Variants in DST observed in about 807,000 individuals in gnomAD.
The protein encoded by DST is bullous pemphigoid antigen.
Under a neutral mutation model 875.2 loss-of-function variants are expected in DST, and 253 were observed. The ratio of observed to expected loss-of-function variants is 0.29; its 90% CI spans 0.26 to 0.32. The LOEUF (loss-of-function observed/expected upper bound fraction) is 0.32, where lower values mean the gene tolerates loss of function less well. DST is among the 10% of genes least tolerant of loss of function. The pLI is 1.00. For missense variants in DST, 8,287 were observed against 9,111.6 expected, an observed-to-expected ratio of 0.91 and a Z score of 3.68; for synonymous variants, 3,124 against 3,197.1, an observed-to-expected ratio of 0.98 and a Z score of 0.77.
chr6:56,674,600 C>T (rs1285529463), intron 9 of DST, among the ~76,000 whole-genome samples: 2 of 152,074 alleles, frequency 1.3e-5, no homozygotes. Flanking sequence ...CCTGGCCTCA[C>T]TTTCTTCATC....
At position 56,552,640 on chromosome 6, in the gene DST, A is replaced by G; in HGVS notation, c.16152T>C (p.Ile5384=). 6.2e-7 allele frequency: 1 copy of G among 1,613,988 alleles called. No homozygotes were observed. The highest frequency in any genetic ancestry group is 2.2e-5 in the East Asian group (1 of 44,888). ...CSFLETKLQG[I]GHFQNTIREM... ...CTCGAATGGTATTCTGGAAATGCCC[A>G]ATGCCCTGAAGCTTGGTTTCTAAGA... The change falls in exon 61 of 104, where the codon ATT becomes ATC. Residue 5384 remains isoleucine, a synonymous_variant. Coordinates refer to ENST00000680361, the MANE Select transcript of DST (RefSeq NM_001374736.1).
At chr6:56,519,196 G>A (rs1302621136) in intron 69 of DST, among the ~76,000 whole-genome samples, 1 of 152,062 alleles carries the variant, frequency 6.6e-6, no homozygotes, top group African/African-American at 2.4e-5. Flanking sequence ...AACACTAAAC[G>A]GGTACAAAGT....
In DST at chr6:56,670,747, G is replaced by A; in HGVS notation, c.1108C>T (p.Leu370Phe). 6.2e-7 allele frequency: 1 copy of A among 1,610,494 alleles called. No homozygotes were observed. The highest frequency in any genetic ancestry group is 8.5e-7 in the Non-Finnish European group (1 of 1,178,226). ...EDMSAKERLL[L>F]WTQQATEGYA... ...CCCTCTGTTGCCTGCTGCGTCCAGAGTAGCAATCTCTCTTTTGCAGACATA... is the reference window on the plus strand; with the variant it reads ...CCCTCTGTTGCCTGCTGCGTCCAGAATAGCAATCTCTCTTTTGCAGACATA... The change falls in exon 10 of 104, where the codon CTC (leucine) becomes TTC (phenylalanine). Residue 370 changes from leucine to phenylalanine, a missense_variant. This residue lies in a region of DST where 1,160 missense variants were observed against 1,424.3 expected (regional missense o/e 0.81). Coordinates refer to ENST00000680361, the MANE Select transcript of DST (RefSeq NM_001374736.1).
At chr6:56,577,915 A>C (rs2097899589) in intron 50 of DST, among the ~76,000 whole-genome samples, 1 of 152,166 alleles carries the variant, frequency 6.6e-6, no homozygotes, top group South Asian at 2.1e-4. Flanking sequence ...GAAACACATT[A>C]ATCACAAACT....
At chr6:56,513,906 T>C (rs1020180953) in intron 72 of DST, among the ~76,000 whole-genome samples, 1 of 152,178 alleles carries the variant, frequency 6.6e-6, no homozygotes, top group African/African-American at 2.4e-5. Context: ...TTTTCATTCC[T>C]GGCTAGAATG....
chr6:56,740,717 C>T (rs1289414418), intron 4 of DST, among the ~76,000 whole-genome samples: 4 of 152,150 alleles, frequency 2.6e-5, no homozygotes, highest in Non-Finnish European at 4.4e-5. Flanking sequence ...GAACTTTGGA[C>T]AACTGATTGC....
At chr6:56,463,016 TTA>T in intron 102 of DST, 28 bp downstream of exon 102, 1 of 1,323,970 alleles carries the variant, frequency 7.6e-7, no homozygotes, top group South Asian at 1.2e-5. Context: ...AAGGAGAATG[TTA>T]AGACTGGACT....
chr6:56,493,047 T>C lies in DST; in HGVS notation c.20437A>G (p.Asn6813Asp), dbSNP rs1195259591. ...CAGTTGATGAAGTCTTGGAGAGAAT[T>C]GTGGAACTCCATTGCCAAGTTGAGA... Reference protein sequence around the residue: ...EALNLAMEFHNSLQDFINWLT... With the variant: ...EALNLAMEFHDSLQDFINWLT... Residue 6813 changes from asparagine to aspartate, a missense_variant, in exon 84 of 104, where the codon AAT becomes GAT. Asn to Asp is a conservative substitution (Grantham distance 23). This residue lies in a region of DST where 1,292 missense variants were observed against 1,552.7 expected (regional missense o/e 0.83). Transcript: ENST00000680361. The C allele has an allele frequency of 1.2e-6, 2 of 1,612,680 alleles. No individual in the cohort carries two copies. The highest frequency in any genetic ancestry group is 1.1e-5 in the South Asian group (1 of 90,680).
chr6:56,752,232 G>A (rs2152953136), intron 4 of DST, among the ~76,000 whole-genome samples: 1 of 152,042 alleles, frequency 6.6e-6, no homozygotes, highest in Admixed American at 6.5e-5. Context: ...TTAGTCCAAT[G>A]GGAGACAGAC....
intron 4 of DST, among the ~76,000 whole-genome samples, chr6:56,777,655 C>G (rs542334662): frequency 6.6e-6 from 1 of 152,134 alleles, no homozygotes; most frequent in African/African-American, 2.4e-5. Context: ...AATGGGGTCT[C>G]TGTCATATGA....
chr6:56,494,122 C>A lies in DST; in HGVS notation c.20282G>T (p.Gly6761Val), dbSNP rs746273825. ...EETYKSLMQK[G>V]QQMLARCPKS... is the part of the protein sequence containing the mutation. ...TGGGCATCTTGCAAGCATCTGCTGG[C>A]CTTTCTGCATCAGACTCTTATATGT... is the stretch of plus-strand genomic sequence containing the variant. Residue 6761 changes from glycine to valine, a missense_variant, in exon 83 of 104, where the codon GGC becomes GTC. This residue lies in a region of DST where 1,292 missense variants were observed against 1,552.7 expected (regional missense o/e 0.83). Coordinates refer to ENST00000680361, the MANE Select transcript of DST (RefSeq NM_001374736.1). 2.5e-6 allele frequency: 4 copies of A among 1,611,888 alleles called. No homozygotes were observed. The highest frequency in any genetic ancestry group is 3.3e-4 in the Middle Eastern group (2 of 6,052).
At chr6:56,668,029 CA>C (rs1203496384) in intron 10 of DST, among the ~76,000 whole-genome samples, 6 of 152,028 alleles carry the variant, frequency 3.9e-5, no homozygotes, top group Non-Finnish European at 7.4e-5. Context: ...TCCTCCCTGC[CA>C]AAAGTAGGTT....
At chr6:56,912,028 G>A (rs564155711) in intron 2 of DST, among the ~76,000 whole-genome samples, 4 of 152,202 alleles carry the variant, frequency 2.6e-5, no homozygotes, top group African/African-American at 7.2e-5. Flanking sequence ...TTCCAATGAG[G>A]TCACATCACT....
chr6:56,511,765 C>T (rs1181110114), intron 72 of DST, among the ~76,000 whole-genome samples: 2 of 151,912 alleles, frequency 1.3e-5, no homozygotes, highest in African/African-American at 2.4e-5. Context: ...CCTACAGACA[C>T]CAAGTCATAT....
At chr6:56,897,315 GTT>G (rs1791883189) in intron 3 of DST, among the ~76,000 whole-genome samples, 1 of 136,498 alleles carries the variant, frequency 7.3e-6, no homozygotes, top group Admixed American at 7.2e-5. Context: ...TGGGGGGGGG[GTT>G]GTTTTTATTT....
At chr6:56,749,208 G>T (rs2099580692) in intron 4 of DST, among the ~76,000 whole-genome samples, 1 of 151,990 alleles carries the variant, frequency 6.6e-6, no homozygotes, top group Admixed American at 6.6e-5. Flanking sequence ...CAAAAAATTG[G>T]CCAGGCGTGG....
rs1194940994 is a variant in DST at position 56,687,788 on chromosome 6, A to G, written c.1047+11865T>C. Among the ~76,000 whole-genome samples the G allele has an allele frequency of 2.0e-5, 3 of 152,058 alleles. No individual in the cohort carries two copies. In the East Asian group the frequency reaches 5.8e-4, roughly 29 times the overall value. On this transcript the variant is annotated intron_variant, in intron 9 of 103. Transcript: ENST00000680361. The stretch of plus-strand genomic sequence containing the variant: ...TTTTTAGCTCTGCTTCCAAGTTAAA[A>G]AAAAAAAAAAGTGTGAAAATGCTTC...
At chr6:56,583,986 G>A (rs2098085946) in intron 49 of DST, among the ~76,000 whole-genome samples, 1 of 152,100 alleles carries the variant, frequency 6.6e-6, no homozygotes, top group Admixed American at 6.6e-5. Flanking sequence ...TGCTGTTTTG[G>A]TTACTGTAGC....
chr6:56,464,799 T>C, intron 99 of DST, 43 bp from the exon 100 acceptor site: 1 of 1,430,060 alleles, frequency 7.0e-7, no homozygotes, highest in Non-Finnish European at 9.7e-7. Flanking sequence ...TAAAGAATAC[T>C]GTTAGCAGAA....
Sources: allele counts gnomAD v4.1 joint callset (sites outside exome capture counted in the v4.1 genomes callset), GRCh38; gene constraint gnomAD v4.1.1; regional missense constraint gnomAD v4.1.1; transcripts MANE v1.5; gene names NCBI Gene and HGNC (gene_info 2026-07-23, HGNC 2026-07-21).